Variants in ZMIZ1 observed in about 807,000 individuals in gnomAD.
ZMIZ1 encodes zinc finger MIZ-type containing 1.
A neutral mutation model predicts 113.9 loss-of-function variants in ZMIZ1; 17 were observed. That is an observed-to-expected ratio of 0.15 (90% CI 0.10 to 0.22). ZMIZ1 has a LOEUF of 0.22. Ranked by LOEUF, ZMIZ1 falls within the 10% of genes least tolerant of loss-of-function variation. ZMIZ1 has a pLI of 1.00. For missense variants in ZMIZ1, 1,059 were observed against 1,477.8 expected (o/e 0.72, Z 4.65); for synonymous variants, 607 against 603.1 (o/e 1.01, Z -0.09).
chr10:79,268,423 A>G (rs1851733416), intron 7 of ZMIZ1, among the ~76,000 whole-genome samples: 1 of 152,174 alleles, frequency 6.6e-6, no homozygotes, highest in Non-Finnish European at 1.5e-5. Flanking sequence ...AGCTGCTGGT[A>G]GGTTTAAAGG....
At chr10:79,291,219 C>A (rs1041715514) in intron 10 of ZMIZ1, 43 bp downstream of exon 10, 3 of 1,542,604 alleles carry the variant, frequency 1.9e-6, no homozygotes, top group Non-Finnish European at 2.6e-6. Flanking sequence ...GACGCCACCC[C>A]TCTTCCTCCT....
At chr10:79,104,781 A>G (rs1843493370) in intron 1 of ZMIZ1, among the ~76,000 whole-genome samples, 1 of 152,220 alleles carries the variant, frequency 6.6e-6, no homozygotes, top group Admixed American at 6.5e-5. Context: ...CACTCTGAGC[A>G]TCAGCCTTAG....
intron 4 of ZMIZ1, among the ~76,000 whole-genome samples, chr10:79,176,072 T>A (rs1846851698): frequency 6.6e-6 from 1 of 151,936 alleles, no homozygotes; most frequent in South Asian, 2.1e-4. Flanking sequence ...GCACTGTGCA[T>A]CCTGGGCTGG....
intron 1 of ZMIZ1, among the ~76,000 whole-genome samples, chr10:79,077,872 C>T (rs1005727890): frequency 6.6e-6 from 1 of 152,242 alleles, no homozygotes; most frequent in African/African-American, 2.4e-5. Flanking sequence ...TAGTCATGGT[C>T]ACCACCAGCA....
chr10:79,101,167 C>T (rs1843352821), intron 1 of ZMIZ1, among the ~76,000 whole-genome samples: 1 of 152,104 alleles, frequency 6.6e-6, no homozygotes, highest in Non-Finnish European at 1.5e-5. Context: ...AGTTGAAGCT[C>T]TTTGCAGTAG....
Position 79,312,945 on chromosome 10 carries a change from G to C in ZMIZ1, c.*196G>C. ...GGTGCACCAGTGCACCAGGAAGGCT[G>C]TGTGGGTCTGGAGCCCACGTCCCAC... On this transcript the variant is annotated 3_prime_UTR_variant, in exon 25 of 25. Transcript: ENST00000334512. The C allele has an allele frequency of 1.9e-5, 11 of 593,664 alleles. No homozygotes were observed. Among genetic ancestry groups the C allele is most frequent in the Non-Finnish European group, 3.3e-5 (11 of 335,386 alleles). 36.8% of individuals were successfully genotyped at this position (593,664 alleles called of 1,614,324 possible).
chr10:79,132,884 A>G (rs932551925), intron 2 of ZMIZ1, among the ~76,000 whole-genome samples: 3 of 152,042 alleles, frequency 2.0e-5, no homozygotes, highest in African/African-American at 4.8e-5. Context: ...CTTCCCTCCC[A>G]TGCAGACAGA....
At chr10:79,248,598 A>G (rs1008622864) in intron 7 of ZMIZ1, among the ~76,000 whole-genome samples, 5 of 152,128 alleles carry the variant, frequency 3.3e-5, no homozygotes, top group Admixed American at 6.5e-5. Context: ...TGCTGACGCA[A>G]TGGAAAGCCT....
At chr10:79,258,176 G>A (rs762310605) in intron 7 of ZMIZ1, among the ~76,000 whole-genome samples, 5 of 152,216 alleles carry the variant, frequency 3.3e-5, no homozygotes, top group African/African-American at 4.8e-5. Flanking sequence ...GAGCCCAAGA[G>A]TTCGAGATCA....
At chr10:79,129,465 C>T (rs762379225) in intron 2 of ZMIZ1, among the ~76,000 whole-genome samples, 1 of 152,182 alleles carries the variant, frequency 6.6e-6, no homozygotes, top group Non-Finnish European at 1.5e-5. Context: ...TGCAGTCGCT[C>T]GGCCCCTTCC....
intron 1 of ZMIZ1, among the ~76,000 whole-genome samples, chr10:79,074,684 C>T (rs1346473868): frequency 6.6e-6 from 1 of 152,234 alleles, no homozygotes; most frequent in African/African-American, 2.4e-5. Context: ...TGTGGGGCAC[C>T]CACTCCGTGT....
chr10:79,073,550 TG>T (rs1842367507), intron 1 of ZMIZ1, among the ~76,000 whole-genome samples: 2 of 152,228 alleles, frequency 1.3e-5, no homozygotes, highest in African/African-American at 4.8e-5. Flanking sequence ...GACCCCACTC[TG>T]GGCTTGAGAT....
rs1004632049 is a variant in ZMIZ1, at chr10:79,069,623, C to A, written c.-337+353C>A. ...TCGCTCCCTACACCCGGGGGCCGGG[C>A]AGGACCGGGAATCGGAGGAGGGAGG... On this transcript the variant is annotated intron_variant, in intron 1 of 24. Transcript: ENST00000334512. The surrounding 1 kb of genome is among the most constrained non-coding windows in gnomAD (Gnocchi z 4.6). Among the ~76,000 whole-genome samples, 3 of 151,912 alleles carry A rather than the reference C, an allele frequency of 2.0e-5. No individual in the cohort carries two copies. The highest frequency in any genetic ancestry group is 7.2e-5 in the African/African-American group (3 of 41,430).
rs1309575802 is a variant in ZMIZ1 at position 79,166,003 on chromosome 10, G to GTGTGTGTGTGTGT, written c.-50+3870_-50+3871insTGTGTGTGTGTGT. Among the ~76,000 whole-genome samples, 111 of 44,508 alleles carry GTGTGTGTGTGTGT rather than the reference G, an allele frequency of 2.5e-3. 1 individual carries two copies. The highest frequency in any genetic ancestry group is 0.011 in the African/African-American group (97 of 8,660). The allele number at this position is 44,508 out of a possible 152,430, so 29.2% of individuals were successfully genotyped here. On this transcript the variant is annotated intron_variant, in intron 4 of 24. Transcript: ENST00000334512. ...GTGTGTGTGTGTGTGTGTGTGTGTG[G>GTGTGTGTGTGTGT]GCTCTCCCTGCAGGGTGGGGCAGTG...
intron 1 of ZMIZ1, among the ~76,000 whole-genome samples, chr10:79,095,696 G>A (rs919541209): frequency 6.6e-6 from 1 of 152,170 alleles, no homozygotes; most frequent in Non-Finnish European, 1.5e-5. Context: ...CTGTTCATCT[G>A]GACACATCGT....
At chr10:79,127,937 C>T (rs1229119630) in intron 2 of ZMIZ1, among the ~76,000 whole-genome samples, 2 of 152,232 alleles carry the variant, frequency 1.3e-5, no homozygotes, top group East Asian at 3.8e-4. Context: ...GGCCACTGCT[C>T]AGCCAGCGCC....
At chr10:79,095,929 C>G (rs1038055708) in intron 1 of ZMIZ1, among the ~76,000 whole-genome samples, 1 of 152,256 alleles carries the variant, frequency 6.6e-6, no homozygotes, top group Non-Finnish European at 1.5e-5. Context: ...GATGTCTCCT[C>G]TGTTGCTGAA....
chr10:79,125,803 A>T (rs1392525369), intron 2 of ZMIZ1, among the ~76,000 whole-genome samples: 1 of 152,262 alleles, frequency 6.6e-6, no homozygotes, highest in East Asian at 1.9e-4. Flanking sequence ...CTCATGGCAC[A>T]GATGAGGAAA....
At chr10:79,105,066 C>A (rs1230524902) in intron 1 of ZMIZ1, among the ~76,000 whole-genome samples, 1 of 151,646 alleles carries the variant, frequency 6.6e-6, no homozygotes, top group East Asian at 1.9e-4. Flanking sequence ...CAATTGCCAC[C>A]AAACTGTCTT....
Sources: allele counts gnomAD v4.1 joint callset (sites outside exome capture counted in the v4.1 genomes callset), GRCh38; gene constraint gnomAD v4.1.1; non-coding constraint Gnocchi (gnomAD v3.1); transcripts MANE v1.5; gene names NCBI Gene and HGNC (gene_info 2026-07-23, HGNC 2026-07-21).